TENM1: variants seen among roughly 807,000 people sequenced by gnomAD.
The protein encoded by TENM1 is teneurin-1.
A neutral mutation model predicts 174.8 loss-of-function variants in TENM1; 35 were observed. The ratio of observed to expected loss-of-function variants is 0.20; its 90% CI spans 0.15 to 0.27. The LOEUF (loss-of-function observed/expected upper bound fraction) is 0.27, where lower values mean the gene tolerates loss of function less well. Among genes scored for constraint, TENM1 ranks in the 10% least tolerant of loss-of-function variants. The probability of loss-of-function intolerance (pLI) is 1.00; values close to 1 mark genes in which losing one functional copy is unlikely to be tolerated. For synonymous variants in TENM1, 781 were observed against 798.7 expected (o/e 0.98, Z 0.37); for missense variants, 1,633 against 2,130.1 (o/e 0.77, Z 4.59).
chrX:124,376,900 A>C (rs1395767668), exon 32 of TENM1: 1 of 110,646 alleles, frequency 9.0e-6, no homozygotes, highest in African/African-American at 3.3e-5. Context: ...GAAAACAGGA[A>C]TGTTCCATTC....
the TENM1 span, among the ~76,000 whole-genome samples, chrX:125,030,042 CTACAGTATATCTGTT>C: frequency 8.9e-6 from 1 of 112,229 alleles, no homozygotes; most frequent in Non-Finnish European, 1.9e-5. Flanking sequence ...AAGTGACCAT[CTACAGTATATCTGTT>C]TATCTGTTAC....
At chrX:124,907,630 T>G (rs2057770914) in intron 1 of TENM1, among the ~76,000 whole-genome samples, 1 of 111,762 alleles carries the variant, frequency 8.9e-6, no homozygotes, top group South Asian at 3.8e-4. Context: ...TCAGCGCAAA[T>G]GAAGCCCTAT....
chrX:124,486,191 C>T (rs191943295), intron 21 of TENM1, among the ~76,000 whole-genome samples: 1 of 111,983 alleles, frequency 8.9e-6, no homozygotes, highest in African/African-American at 3.2e-5. Context: ...TGTCTCAATG[C>T]AAATTGCAAT....
At chrX:125,049,155 T>C in the TENM1 span, among the ~76,000 whole-genome samples, 13 of 111,521 alleles carry the variant, frequency 1.2e-4, no homozygotes, top group African/African-American at 3.9e-4. Flanking sequence ...GTTTAGTATA[T>C]TCCCAGAACT....
chrX:124,426,528 G>C (rs1386001889), intron 23 of TENM1, among the ~76,000 whole-genome samples: 1 of 111,478 alleles, frequency 9.0e-6, no homozygotes, highest in African/African-American at 3.3e-5. Context: ...TCTCATTAGG[G>C]AGGGCAACTG....
At chrX:124,802,252 T>C (rs1288557035) in intron 3 of TENM1, among the ~76,000 whole-genome samples, 1 of 111,989 alleles carries the variant, frequency 8.9e-6, no homozygotes, top group African/African-American at 3.2e-5. Context: ...TGAGTTTGTC[T>C]AGTATCCATC....
At chrX:124,435,057 T>A (rs781606435) in intron 23 of TENM1, among the ~76,000 whole-genome samples, 5 of 111,362 alleles carry the variant, frequency 4.5e-5, no homozygotes, top group Non-Finnish European at 9.4e-5. Context: ...CAGTTCAAGG[T>A]AATAAGAAAT....
the TENM1 span, among the ~76,000 whole-genome samples, chrX:125,005,291 T>C: frequency 9.2e-6 from 1 of 108,126 alleles, no homozygotes; most frequent in Non-Finnish European, 1.9e-5. Context: ...CTTTCTTTAT[T>C]GAAGAGCTTT....
At chrX:125,011,844 C>A in the TENM1 span, among the ~76,000 whole-genome samples, 1 of 111,354 alleles carries the variant, frequency 9.0e-6, no homozygotes, top group Non-Finnish European at 1.9e-5. Flanking sequence ...TGGGTATATA[C>A]CCAAAAGAAT....
the TENM1 span, among the ~76,000 whole-genome samples, chrX:125,098,827 GCAA>G: frequency 5.4e-5 from 6 of 111,798 alleles, no homozygotes; most frequent in South Asian, 1.5e-3. Context: ...AAAACTAGTT[GCAA>G]CAACATTTTA....
At chrX:124,711,467 T>C (rs951830176) in intron 4 of TENM1, among the ~76,000 whole-genome samples, 12 of 111,851 alleles carry the variant, frequency 1.1e-4, no homozygotes, top group Admixed American at 5.7e-4. Context: ...TTTTTTCTTT[T>C]ACATCTTGTA....
chrX:124,751,737 C>T lies in TENM1; in HGVS notation c.536-14540G>A, dbSNP rs762297305. On this transcript the variant is annotated intron_variant, in intron 3 of 31. Transcript: ENST00000422452. ...ATTCCCACCTATGAGTGAGAACATGCGGTGTTTGGTTTTTTGTCCTTGCGA... is the reference window on the plus strand; with the variant it reads ...ATTCCCACCTATGAGTGAGAACATGTGGTGTTTGGTTTTTTGTCCTTGCGA... Among the ~76,000 whole-genome samples the T allele has an allele frequency of 2.3e-3, 225 of 99,993 alleles. 2 individuals carry two copies. Among genetic ancestry groups the T allele is most frequent in the Non-Finnish European group, 3.1e-3 (153 of 49,707 alleles). The allele number at this position is 99,993 out of a possible 115,157, so 86.8% of individuals were successfully genotyped here. A position where few individuals can be genotyped will look rare whatever the true frequency, so the allele number is the denominator to read the frequency against.
chrX:124,613,899 T>G (rs2050334835), intron 11 of TENM1, among the ~76,000 whole-genome samples: 1 of 111,539 alleles, frequency 9.0e-6, no homozygotes, highest in Admixed American at 9.5e-5. Context: ...ATCTGGAGTT[T>G]GCACTCCTGA....
intron 18 of TENM1, among the ~76,000 whole-genome samples, chrX:124,517,962 T>C (rs1252533657): frequency 9.0e-6 from 1 of 111,267 alleles, no homozygotes; most frequent in African/African-American, 3.3e-5. Flanking sequence ...TGAGTATGAT[T>C]CAGTGAGGGT....
At chrX:124,638,469 A>G (rs1459290622) in intron 11 of TENM1, among the ~76,000 whole-genome samples, 1 of 111,770 alleles carries the variant, frequency 8.9e-6, no homozygotes, top group East Asian at 2.8e-4. Context: ...TATATGATTC[A>G]GAATCACTGT....
the TENM1 span, among the ~76,000 whole-genome samples, chrX:125,111,829 G>A: frequency 1.8e-5 from 2 of 111,229 alleles, no homozygotes; most frequent in African/African-American, 3.3e-5. Context: ...GAAAAGAATC[G>A]AGAATAACTA....
chrX:125,070,294 T>C, the TENM1 span, among the ~76,000 whole-genome samples: 1 of 111,387 alleles, frequency 9.0e-6, no homozygotes, highest in Non-Finnish European at 1.9e-5. Context: ...ATGGTGAGCA[T>C]TTTTTCTTAT....
chrX:124,587,850 A>C (rs1328833765), intron 11 of TENM1, among the ~76,000 whole-genome samples: 1 of 111,916 alleles, frequency 8.9e-6, no homozygotes, highest in Non-Finnish European at 1.9e-5. Flanking sequence ...CAAGAAAAAA[A>C]CAAACAGCCC....
chrX:124,624,545 C>T lies in TENM1; in HGVS notation c.2077+17246G>A, dbSNP rs774783932. Among the ~76,000 whole-genome samples the T allele has an allele frequency of 6.3e-5, 7 of 111,966 alleles. No individual in the cohort carries two copies. In the South Asian group the frequency reaches 1.1e-3, roughly 18 times the overall value. ...TGCCAGAGGTTTTACACATATTACACCCATTTTACAGATATGGACAATGAA... is the reference window on the plus strand; with the variant it reads ...TGCCAGAGGTTTTACACATATTACATCCATTTTACAGATATGGACAATGAA... On this transcript the variant is annotated intron_variant, in intron 11 of 31. Coordinates refer to ENST00000422452, the Ensembl canonical transcript of TENM1.
Sources: allele counts gnomAD v4.1 joint callset (sites outside exome capture counted in the v4.1 genomes callset), GRCh38; gene constraint gnomAD v4.1.1; transcripts MANE v1.5; gene names NCBI Gene and HGNC (gene_info 2026-07-23, HGNC 2026-07-21).